LIPM: variants seen among roughly 807,000 people sequenced by gnomAD.
LIPM encodes the protein lipase member M.
A neutral mutation model predicts 42.4 loss-of-function variants in LIPM; 42 were observed. The observed-to-expected ratio is 0.99, with a 90% CI of 0.77 to 1.28. The LOEUF (loss-of-function observed/expected upper bound fraction) is 1.28, where lower values mean the gene tolerates loss of function less well. Ranked by LOEUF, LIPM falls within the 50% of genes most tolerant of loss-of-function variation. The pLI, the probability that LIPM is intolerant of heterozygous loss-of-function variation, is 0.00. For missense variants in LIPM, 524 were observed against 520.1 expected (o/e 1.01, Z -0.07); for synonymous variants, 177 against 173.3 (o/e 1.02, Z -0.17).
chr10:88,814,463 G>A, intron 3 of LIPM, 67 bp from the exon 4 acceptor site: 1 of 1,075,310 alleles, frequency 9.3e-7, no homozygotes, highest in Non-Finnish European at 1.4e-6. Flanking sequence ...TAAACCTGGT[G>A]TCGGGGGGAG....
At chr10:88,814,467 G>C (rs1225478523) in intron 3 of LIPM, 63 bp from the exon 4 acceptor site, 3 of 1,139,648 alleles carry the variant, frequency 2.6e-6, no homozygotes, top group Non-Finnish European at 3.9e-6. Context: ...CCTGGTGTCG[G>C]GGGGAGCTTT....
In LIPM at chr10:88,803,002, A is replaced by T. The variant is rs568441934; in HGVS notation, c.106A>T (p.Met36Leu). ...MFQRNVNSVH[M>L]PTKAVDPEAF... The stretch of plus-strand genomic sequence containing the variant: ...CCAGAGAAATGTGAATTCAGTACAT[A>T]TGCCAACTAAAGCTGTGGACCCAGA... The change falls in exon 1 of 9, where the codon ATG (methionine) becomes TTG (leucine). Residue 36 changes from methionine to leucine, a missense_variant. Physicochemically the swap from Met to Leu is conservative, Grantham distance 15. Transcript: ENST00000404743. 1.3e-6 allele frequency: 2 copies of T among 1,551,348 alleles called. No homozygotes were observed. The highest frequency in any genetic ancestry group is 4.9e-5 in the East Asian group (2 of 40,904).
intron 1 of LIPM, among the ~76,000 whole-genome samples, chr10:88,805,073 C>T (rs370510371): frequency 6.8e-6 from 1 of 147,698 alleles, no homozygotes; most frequent in South Asian, 2.1e-4. Flanking sequence ...GAATAACTGG[C>T]CTTATGCATG....
intron 1 of LIPM, among the ~76,000 whole-genome samples, chr10:88,807,363 G>T (rs1350749946): frequency 6.6e-6 from 1 of 152,122 alleles, no homozygotes; most frequent in Non-Finnish European, 1.5e-5. Flanking sequence ...CTTTGTTTTT[G>T]CCCTATATTC....
chr10:88,807,841 G>A (rs1287212063), intron 1 of LIPM, among the ~76,000 whole-genome samples: 3 of 152,128 alleles, frequency 2.0e-5, no homozygotes, highest in Non-Finnish European at 4.4e-5. Context: ...ACCTGAAGTG[G>A]GCTCAAGACT....
intron 2 of LIPM, among the ~76,000 whole-genome samples, chr10:88,809,468 A>C (rs1843628041): frequency 6.6e-6 from 1 of 152,170 alleles, no homozygotes; most frequent in Non-Finnish European, 1.5e-5. Flanking sequence ...TATAGGTAAT[A>C]TAATTTCTTG....
rs755949328 is a variant in LIPM at position 88,815,162 on chromosome 10, A to C, written c.649A>C (p.Thr217Pro). The part of the protein sequence containing the change: ...KMYFALAPIA[T>P]VKHAKSPGTK... ...GTATTTTGCTTTAGCACCCATAGCC[A>C]CTGTTAAGCATGCAAAAAGCCCCGG... Residue 217 changes from threonine (T) to proline (P), a missense_variant, in exon 5 of 9, where the codon ACT (threonine) becomes CCT (proline). Transcript: ENST00000404743. 9 of 1,551,954 alleles carry C rather than the reference A, an allele frequency of 5.8e-6. No individual in the cohort carries two copies. The South Asian group carries it at 1.1e-4, about 18-fold the overall frequency.
intron 6 of LIPM, among the ~76,000 whole-genome samples, chr10:88,816,367 G>A (rs1843718427): frequency 6.6e-6 from 1 of 152,120 alleles, no homozygotes; most frequent in Non-Finnish European, 1.5e-5. Context: ...GTAAGGATAT[G>A]AAAAGTATAT....
chr10:88,815,333 CTA>C (rs1843705871), intron 5 of LIPM, 22 bp from the exon 6 acceptor site: 1 of 1,551,090 alleles, frequency 6.4e-7, no homozygotes, highest in African/African-American at 1.4e-5. Flanking sequence ...TCTGTCATGT[CTA>C]TGTCACTTCA....
At position 88,803,018 on chromosome 10, in the gene LIPM, T is replaced by C. The variant is rs1843546160; in HGVS notation, c.122T>C (p.Val41Ala). 1 of 1,551,158 alleles carries C rather than the reference T, an allele frequency of 6.4e-7. No homozygotes were observed. Among genetic ancestry groups the C allele is most frequent in the African/African-American group, 1.4e-5 (1 of 73,114 alleles). ...TCAGTACATATGCCAACTAAAGCTG[T>C]GGACCCAGAAGCATTCATGAATATT... ...VNSVHMPTKAVDPEAFMNISE... is the reference protein window; with the variant it reads ...VNSVHMPTKAADPEAFMNISE... Residue 41 changes from valine (V) to alanine (A), a missense_variant, in exon 1 of 9, where the codon GTG (valine) becomes GCG (alanine). By Grantham distance (64) the Val-to-Ala change is moderately conservative. Transcript: ENST00000404743.
Position 88,815,446 on chromosome 10 carries a change from G to T in LIPM, c.801G>T (p.Gln267His). ...IYLCGQVILD[Q>H]ICSNIMLLLG... ...TTTGTGGCCAGGTGATTCTTGATCA[G>T]ATTTGTAGTAATATCATGTTACTTC... Residue 267 changes from glutamine (Q) to histidine (H), a missense_variant, in exon 6 of 9, where the codon CAG becomes CAT. Transcript: ENST00000404743. The T allele has an allele frequency of 6.4e-7, 1 of 1,551,498 alleles. No individual in the cohort carries two copies. The highest frequency in any genetic ancestry group is 8.7e-7 in the Non-Finnish European group (1 of 1,146,824).
intron 1 of LIPM, among the ~76,000 whole-genome samples, chr10:88,807,291 G>A (rs1843600702): frequency 6.6e-6 from 1 of 152,182 alleles, no homozygotes; most frequent in South Asian, 2.1e-4. Context: ...TTATGTAATA[G>A]TGTTAGAACC....
At chr10:88,813,903 A>G (rs1381070241) in intron 3 of LIPM, among the ~76,000 whole-genome samples, 3 of 152,124 alleles carry the variant, frequency 2.0e-5, no homozygotes, top group Non-Finnish European at 4.4e-5. Context: ...ATGAGAACTC[A>G]CTATCACGAG....
intron 2 of LIPM, among the ~76,000 whole-genome samples, chr10:88,811,760 G>C (rs889402805): frequency 6.6e-6 from 1 of 152,028 alleles, no homozygotes; most frequent in Non-Finnish European, 1.5e-5. Context: ...TCTCTTACGT[G>C]TATCTTAATA....
intron 4 of LIPM, 32 bp from the exon 5 acceptor site, chr10:88,815,056 G>A (rs188572): frequency 0.033 from 49,553 of 1,508,838 alleles, 957 homozygotes; most frequent in Non-Finnish European, 0.039. Flanking sequence ...AAAATATTTC[G>A]TATTCATGTT....
intron 2 of LIPM, among the ~76,000 whole-genome samples, chr10:88,812,366 A>G (rs1843665406): frequency 6.6e-6 from 1 of 152,192 alleles, no homozygotes; most frequent in Non-Finnish European, 1.5e-5. Context: ...AGATAATTTC[A>G]GGATATGTAG....
intron 1 of LIPM, among the ~76,000 whole-genome samples, chr10:88,807,121 T>C (rs1843598654): frequency 6.6e-6 from 1 of 152,252 alleles, no homozygotes; most frequent in African/African-American, 2.4e-5. Context: ...GAGTTCCTAC[T>C]ATGTGCTGGG....
chr10:88,805,766 G>T (rs903697240), intron 1 of LIPM, among the ~76,000 whole-genome samples: 3 of 152,144 alleles, frequency 2.0e-5, no homozygotes, highest in Admixed American at 1.3e-4. Context: ...CCCCAGGTTG[G>T]ATTTTCTGGG....
rs1488165850 is a variant in LIPM at position 88,820,313 on chromosome 10, C to T, written c.1084C>T (p.Pro362Ser). 4 of 1,552,034 alleles carry T rather than the reference C, an allele frequency of 2.6e-6. No individual in the cohort carries two copies. The highest frequency in any genetic ancestry group is 1.4e-5 in the African/African-American group (1 of 73,016). Reference protein sequence around the residue: ...WTGGQDWLSNPEDVKMLLSEV... With the variant: ...WTGGQDWLSNSEDVKMLLSEV... ...AGGAGGTCAGGACTGGCTTTCAAAT[C>T]CAGAAGACGTGAAAATGCTGCTCTC... The change falls in exon 9 of 9, where the codon CCA (proline) becomes TCA (serine). Residue 362 changes from proline (P) to serine (S), a missense_variant. Transcript: ENST00000404743.
Sources: gnomAD v4.1 joint callset for allele counts (sites outside exome capture counted in the v4.1 genomes callset) on GRCh38, gnomAD v4.1.1 for gene constraint, MANE v1.5 for transcripts, NCBI Gene and HGNC (gene_info 2026-07-23, HGNC 2026-07-21) for gene names.